The following DNAJB1 variants were observed in gnomAD, a reference collection of about 807,000 sequenced individuals.
The protein encoded by DNAJB1 is DnaJ heat shock protein family (Hsp40) member B1, also known as dnaJ homolog subfamily B member 1.
In DNAJB1, 14 loss-of-function variants were observed where a neutral mutation model predicts 24.0. The observed-to-expected ratio is 0.58, with a 90% CI of 0.39 to 0.91. DNAJB1 has a LOEUF of 0.91. Among genes scored for constraint, DNAJB1 ranks in the 40% least tolerant of loss-of-function variants. The pLI is 0.00. For missense variants in DNAJB1, 517 were observed against 458.1 expected (o/e 1.13, Z -1.17); for synonymous variants, 262 against 174.4 (o/e 1.50, Z -3.96).
In DNAJB1 at chr19:14,515,200, T is replaced by C. The variant is rs1001376221; in HGVS notation, c.*740A>G. 11 of 152,662 alleles carry C rather than the reference T, an allele frequency of 7.2e-5. No homozygotes were observed. The highest frequency in any genetic ancestry group is 4.1e-4 in the South Asian group (2 of 4,828). The allele number at this position is 152,662 out of a possible 1,614,324, so 9.5% of individuals were successfully genotyped here. On this transcript the variant is annotated 3_prime_UTR_variant, in exon 3 of 3. Transcript: ENST00000254322. ...CTGGTAAGCCCCACGTGTGCCAAGA[T>C]TGCCTTACAGAAATGTAAAGAGTGT...
chr19:14,533,815 G>C (rs2072761770), upstream of DNAJB1: 1 of 152,208 alleles, frequency 6.6e-6, no homozygotes, highest in South Asian at 2.1e-4. Context: ...TAGAATACCA[G>C]AGCAGGCCTT....
intron 1 of DNAJB1, among the ~76,000 whole-genome samples, chr19:14,546,734 G>T (rs2073320844): frequency 6.6e-6 from 1 of 152,038 alleles, no homozygotes; most frequent in South Asian, 2.1e-4. Flanking sequence ...GCCCTGGCTG[G>T]AGTGCCGTGT....
intron 1 of DNAJB1, among the ~76,000 whole-genome samples, chr19:14,538,633 A>C (rs1298272133): frequency 1.3e-5 from 2 of 150,328 alleles, no homozygotes; most frequent in African/African-American, 4.9e-5. Flanking sequence ...CCTGGGTTCA[A>C]GTGATTGTCC....
chr19:14,516,761 T>G lies in DNAJB1; in HGVS notation c.497A>C (p.His166Pro). ...ARKKQDPPVTHDLRVSLEEIY... is the reference protein window; with the variant it reads ...ARKKQDPPVTPDLRVSLEEIY... ...CTCTTCAAGGGAGACTCGAAGGTCGTGGGTGACTGGGGGATCTTGCTTCTT... is the reference window on the plus strand; with the variant it reads ...CTCTTCAAGGGAGACTCGAAGGTCGGGGGTGACTGGGGGATCTTGCTTCTT... The change falls in exon 2 of 3, where the codon CAC becomes CCC. Residue 166 changes from histidine to proline, a missense_variant. Transcript: ENST00000254322. The G allele has an allele frequency of 6.2e-7, 1 of 1,613,906 alleles. No individual in the cohort carries two copies. Among genetic ancestry groups the G allele is most frequent in the Non-Finnish European group, 8.5e-7 (1 of 1,179,970 alleles).
intron 1 of DNAJB1, among the ~76,000 whole-genome samples, chr19:14,556,775 C>T (rs369959803): frequency 5.9e-5 from 9 of 152,306 alleles, no homozygotes; most frequent in African/African-American, 1.9e-4. Context: ...GTTCCTGAGC[C>T]GGCTGCTGCG....
chr19:14,557,950 T>C (rs2146619150), intron 1 of DNAJB1, among the ~76,000 whole-genome samples: 1 of 151,776 alleles, frequency 6.6e-6, no homozygotes, highest in African/African-American at 2.4e-5. Flanking sequence ...AGAGATGGGG[T>C]TTCACCGTGT....
At chr19:14,522,425 C>T (rs2072370527), upstream of DNAJB1, among the ~76,000 whole-genome samples, 1 of 142,074 alleles carries the variant, frequency 7.0e-6, no homozygotes, top group Non-Finnish European at 1.5e-5. Flanking sequence ...GCAGAGGTTG[C>T]AGTGAGCCAA....
At chr19:14,555,304 A>G (rs894112988), upstream of DNAJB1, among the ~76,000 whole-genome samples, 38 of 151,134 alleles carry the variant, frequency 2.5e-4, no homozygotes, top group African/African-American at 9.2e-4. Context: ...GCTGGAGTGC[A>G]GTGGTGTGAT....
At chr19:14,522,679 C>CACAGACACACAG (rs1555726544), upstream of DNAJB1, among the ~76,000 whole-genome samples, 33 of 74,334 alleles carry the variant, frequency 4.4e-4, no homozygotes, top group African/African-American at 1.8e-3. Flanking sequence ...CAGACACACA[C>CACAGACACACAG]ACAGACACAC....
intron 1 of DNAJB1, among the ~76,000 whole-genome samples, chr19:14,556,515 C>G (rs1311090101): frequency 6.6e-6 from 1 of 152,112 alleles, no homozygotes; most frequent in African/African-American, 2.4e-5. Context: ...TCTGCCCCCA[C>G]CCCCTGCTTG....
At chr19:14,538,779 C>A (rs4366813) in intron 1 of DNAJB1, among the ~76,000 whole-genome samples, 2,156 of 152,038 alleles carry the variant, frequency 0.014, 29 homozygotes, top group Non-Finnish European at 0.018. Context: ...GATCCACCCG[C>A]CTCAGCCTCC....
At chr19:14,548,039 C>T (rs1171794629) in intron 1 of DNAJB1, among the ~76,000 whole-genome samples, 2 of 150,838 alleles carry the variant, frequency 1.3e-5, no homozygotes, top group South Asian at 2.1e-4. Context: ...TCTCAGTTCA[C>T]TGCCACCTCT....
At chr19:14,529,398 C>A, upstream of DNAJB1, 2 of 570,772 alleles carry the variant, frequency 3.5e-6, no homozygotes, top group South Asian at 3.9e-5. Context: ...TGGTCAAGCC[C>A]CTTCTCTTTA....
At chr19:14,552,560 G>A (rs1056544821), upstream of DNAJB1, among the ~76,000 whole-genome samples, 6 of 147,738 alleles carry the variant, frequency 4.1e-5, no homozygotes, top group Non-Finnish European at 9.0e-5. Context: ...TTTGAGAGGA[G>A]TCTCGTTCTG....
upstream of DNAJB1, among the ~76,000 whole-genome samples, chr19:14,550,788 C>T (rs1395513428): frequency 2.0e-5 from 3 of 152,014 alleles, no homozygotes; most frequent in African/African-American, 7.2e-5. Context: ...TCATGCGATT[C>T]TCCTGTCTCA....
chr19:14,529,553 GGC>G, upstream of DNAJB1: 2 of 1,286,294 alleles, frequency 1.6e-6, no homozygotes, highest in Middle Eastern at 2.5e-4. Context: ...TGGCCGACGG[GGC>G]GCGCGCGGCC....
At chr19:14,516,433 C>A in intron 2 of DNAJB1, 33 bp downstream of exon 2, 3 of 1,596,640 alleles carry the variant, frequency 1.9e-6, no homozygotes, top group Non-Finnish European at 2.6e-6. Flanking sequence ...CAGCCATCGC[C>A]CTCTACAGAC....
upstream of DNAJB1, among the ~76,000 whole-genome samples, chr19:14,550,404 T>G (rs914434573): frequency 6.6e-6 from 1 of 152,086 alleles, no homozygotes; most frequent in African/African-American, 2.4e-5. Context: ...ACTCGGGCAG[T>G]CGGGGGTTGG....
upstream of DNAJB1, among the ~76,000 whole-genome samples, chr19:14,533,507 G>T (rs2072751057): frequency 6.6e-6 from 1 of 152,142 alleles, no homozygotes; most frequent in Non-Finnish European, 1.5e-5. Flanking sequence ...TGAAAGGTTG[G>T]CCCCTGGAGA....
Sources: gnomAD v4.1 joint callset for allele counts (sites outside exome capture counted in the v4.1 genomes callset) on GRCh38, gnomAD v4.1.1 for gene constraint, MANE v1.5 for transcripts, NCBI Gene and HGNC (gene_info 2026-07-23, HGNC 2026-07-21) for gene names.